The following GPC6 variants were observed in gnomAD, a reference collection of about 807,000 sequenced individuals.
GPC6 encodes the protein glypican-6.
GPC6 carries 14 observed loss-of-function variants against 55.2 expected under a neutral mutation model. The ratio of observed to expected loss-of-function variants is 0.25; its 90% CI spans 0.17 to 0.40. The LOEUF (loss-of-function observed/expected upper bound fraction) is 0.40. Ranked by LOEUF, GPC6 falls within the 10% of genes least tolerant of loss-of-function variation. The pLI is 1.00. For missense variants in GPC6, 641 were observed against 708.5 expected, an observed-to-expected ratio of 0.90 and a Z score of 1.08; for synonymous variants, 278 against 259.6, an observed-to-expected ratio of 1.07 and a Z score of -0.68.
At chr13:93,974,217 C>A (rs550657895) in intron 3 of GPC6, among the ~76,000 whole-genome samples, 66 of 152,220 alleles carry the variant, frequency 4.3e-4, no homozygotes, top group Non-Finnish European at 7.9e-4. Context: ...CAGCATGATG[C>A]CTTGAGAATT....
intron 2 of GPC6, among the ~76,000 whole-genome samples, chr13:93,790,304 T>C (rs866559420): frequency 7.2e-5 from 11 of 152,208 alleles, no homozygotes; most frequent in African/African-American, 2.2e-4. Context: ...TACATTTCAT[T>C]ATTATACAAT....
chr13:94,372,446 G>T (rs1340340434), intron 6 of GPC6, among the ~76,000 whole-genome samples: 1 of 152,186 alleles, frequency 6.6e-6, no homozygotes, highest in Non-Finnish European at 1.5e-5. Flanking sequence ...CAAAGAAAGG[G>T]GTGACTGACG....
intron 2 of GPC6, among the ~76,000 whole-genome samples, chr13:93,660,953 G>T (rs965823199): frequency 6.6e-6 from 1 of 152,186 alleles, no homozygotes; most frequent in South Asian, 2.1e-4. Context: ...ATGGGAGCAA[G>T]GGTTGGGTTC....
intron 1 of GPC6, among the ~76,000 whole-genome samples, chr13:93,434,757 A>G (rs532686378): frequency 2.3e-4 from 35 of 152,288 alleles, no homozygotes; most frequent in Admixed American, 9.8e-4. Flanking sequence ...GCCAGGCTGG[A>G]GTGCAGTGGC....
intron 1 of GPC6, among the ~76,000 whole-genome samples, chr13:93,291,746 A>G (rs994822253): frequency 6.6e-6 from 1 of 152,130 alleles, no homozygotes; most frequent in African/African-American, 2.4e-5. Flanking sequence ...GGTCAAGTTA[A>G]AACGAGTCTG....
chr13:94,381,128 T>C (rs1183054560), intron 6 of GPC6, among the ~76,000 whole-genome samples: 1 of 152,216 alleles, frequency 6.6e-6, no homozygotes, highest in Admixed American at 6.5e-5. Flanking sequence ...GTAAAATTAC[T>C]AGTTTTCCTT....
At position 94,350,255 on chromosome 13, in the gene GPC6, C is replaced by T. The variant is rs114772223; in HGVS notation, c.1153-32159C>T. ...AGGCAGAGTTTTTCAATCTTGGTCA[C>T]ATATTAGAATCACTTGGAGAGTTTC... On this transcript the variant is annotated intron_variant, in intron 6 of 8. Coordinates refer to ENST00000377047, the MANE Select transcript of GPC6 (RefSeq NM_005708.5). Among the ~76,000 whole-genome samples the T allele has an allele frequency of 5.9e-3, 896 of 152,164 alleles. 9 individuals are homozygous for T. The highest frequency in any genetic ancestry group is 0.021 in the African/African-American group (854 of 41,510).
At chr13:94,039,439 G>A (rs547603018) in intron 4 of GPC6, among the ~76,000 whole-genome samples, 14 of 151,900 alleles carry the variant, frequency 9.2e-5, no homozygotes, top group African/African-American at 2.9e-4. Context: ...ATAGGACTCC[G>A]GGTCTAAATA....
chr13:93,808,127 T>C (rs1254109754), intron 2 of GPC6, among the ~76,000 whole-genome samples: 1 of 152,170 alleles, frequency 6.6e-6, no homozygotes, highest in Non-Finnish European at 1.5e-5. Context: ...AAAACCTCAG[T>C]TCTAAATGTT....
intron 1 of GPC6, among the ~76,000 whole-genome samples, chr13:93,316,001 T>C (rs968609972): frequency 3.3e-5 from 5 of 152,112 alleles, no homozygotes; most frequent in Admixed American, 2.0e-4. Flanking sequence ...GCAGTCTCAA[T>C]GATTTTTTCA....
At chr13:93,529,119 C>A (rs1236006061) in intron 1 of GPC6, among the ~76,000 whole-genome samples, 1 of 152,118 alleles carries the variant, frequency 6.6e-6, no homozygotes, top group East Asian at 1.9e-4. Context: ...AGTGCATATA[C>A]AATATATACA....
At chr13:93,797,294 C>A (rs553609396) in intron 2 of GPC6, among the ~76,000 whole-genome samples, 1 of 152,270 alleles carries the variant, frequency 6.6e-6, no homozygotes, top group Admixed American at 6.5e-5. Context: ...TGTATAATTT[C>A]TTATGAATGA....
intron 2 of GPC6, among the ~76,000 whole-genome samples, chr13:93,817,849 C>A (rs9524238): frequency 0.24 from 35,180 of 147,942 alleles, 4,608 homozygotes; most frequent in East Asian, 0.35. Context: ...CAGAGTGAGA[C>A]CCTGTTTCAA....
At chr13:94,392,166 C>G (rs917292535) in intron 7 of GPC6, among the ~76,000 whole-genome samples, 1 of 152,060 alleles carries the variant, frequency 6.6e-6, no homozygotes, top group Admixed American at 6.6e-5. Flanking sequence ...GTATACTTCT[C>G]TTCACAGTAC....
At chr13:93,224,912 C>G (rs191442834), upstream of GPC6, among the ~76,000 whole-genome samples, 207 of 152,260 alleles carry the variant, frequency 1.4e-3, 2 homozygotes, top group African/African-American at 4.8e-3. Flanking sequence ...TTTAGTCATT[C>G]GTCTCATGTA....
intron 4 of GPC6, among the ~76,000 whole-genome samples, chr13:94,046,915 A>G (rs1298457217): frequency 6.6e-6 from 1 of 152,160 alleles, no homozygotes; most frequent in Non-Finnish European, 1.5e-5. Context: ...TGCAATGAAT[A>G]CTAACTATAG....
chr13:93,824,812 C>T (rs941020928), intron 2 of GPC6, among the ~76,000 whole-genome samples: 6 of 151,926 alleles, frequency 3.9e-5, no homozygotes, highest in African/African-American at 1.5e-4. Flanking sequence ...AAGTCCAGAA[C>T]CAAAGGAGTC....
At chr13:94,130,402 G>T (rs1464060862) in intron 4 of GPC6, among the ~76,000 whole-genome samples, 1 of 152,050 alleles carries the variant, frequency 6.6e-6, no homozygotes, top group East Asian at 1.9e-4. Flanking sequence ...TCATAATTCA[G>T]AAAGAAAAGT....
At chr13:93,370,662 G>C (rs960713735) in intron 1 of GPC6, among the ~76,000 whole-genome samples, 19 of 152,150 alleles carry the variant, frequency 1.2e-4, no homozygotes, top group African/African-American at 3.6e-4. Flanking sequence ...TGGGAAGATT[G>C]GGTGAGCATC....
Sources: allele counts gnomAD v4.1 joint callset (sites outside exome capture counted in the v4.1 genomes callset), GRCh38; gene constraint gnomAD v4.1.1; transcripts MANE v1.5; gene names NCBI Gene and HGNC (gene_info 2026-07-23, HGNC 2026-07-21).